The following TECPR2 variants were observed in gnomAD, a reference collection of about 807,000 sequenced individuals.
The protein encoded by TECPR2 is tectonin beta-propeller repeat-containing protein 2.
A neutral mutation model predicts 138.1 loss-of-function variants in TECPR2; 65 were observed. The ratio of observed to expected loss-of-function variants is 0.47; its 90% CI spans 0.39 to 0.58. TECPR2 has a LOEUF of 0.58. TECPR2 is among the 20% of genes least tolerant of loss of function. The pLI is 0.00. For synonymous variants in TECPR2, 746 were observed against 749.8 expected (o/e 0.99, Z 0.08); for missense variants, 1,553 against 1,824.5 (o/e 0.85, Z 2.71).
chr14:102,478,192 C>T (rs1185092068), intron 17 of TECPR2, among the ~76,000 whole-genome samples: 1 of 151,746 alleles, frequency 6.6e-6, no homozygotes, highest in African/African-American at 2.4e-5. Context: ...ACACTACAGG[C>T]ATGCACCACC....
intron 2 of TECPR2, among the ~76,000 whole-genome samples, 158 bp downstream of exon 2, chr14:102,377,098 G>A (rs1313538769): frequency 6.6e-6 from 1 of 152,188 alleles, no homozygotes; most frequent in Admixed American, 6.5e-5. Context: ...AGCTGAAGTG[G>A]AATATAACTA....
rs183682330 is a variant in TECPR2 at position 102,485,798 on chromosome 14, C to A, written c.3790-11181C>A. Reference sequence around the variant, plus strand: ...TGCACTCATCCAGAAGGTGCTTCCCCGAGCCTGTCTGTAGAGTCAGCCACA... The same window carrying A: ...TGCACTCATCCAGAAGGTGCTTCCCAGAGCCTGTCTGTAGAGTCAGCCACA... On this transcript the variant is annotated intron_variant, in intron 17 of 19. Transcript: ENST00000359520. Among the ~76,000 whole-genome samples the A allele has an allele frequency of 3.5e-3, 536 of 152,280 alleles. 5 individuals carry two copies. The highest frequency in any genetic ancestry group is 0.012 in the African/African-American group (503 of 41,562).
intron 17 of TECPR2, among the ~76,000 whole-genome samples, chr14:102,486,959 C>T (rs986274443): frequency 1.3e-5 from 2 of 152,152 alleles, no homozygotes; most frequent in East Asian, 3.8e-4. Flanking sequence ...GTACAGCTAC[C>T]ACGGGGCCAT....
intron 2 of TECPR2, among the ~76,000 whole-genome samples, chr14:102,400,431 T>TG (rs1190071978): frequency 6.6e-6 from 1 of 152,210 alleles, no homozygotes; most frequent in African/African-American, 2.4e-5. Context: ...CTTTATGGTT[T>TG]GGGGCACACA....
At chr14:102,392,223 C>T (rs1219099328) in intron 2 of TECPR2, among the ~76,000 whole-genome samples, 1 of 152,084 alleles carries the variant, frequency 6.6e-6, no homozygotes, top group African/African-American at 2.4e-5. Context: ...AACTCCTGGA[C>T]CTCAGGTGAT....
chr14:102,469,808 G>A (rs1890620750), intron 17 of TECPR2, among the ~76,000 whole-genome samples: 1 of 152,118 alleles, frequency 6.6e-6, no homozygotes, highest in Non-Finnish European at 1.5e-5. Flanking sequence ...TGATGAAAGG[G>A]TGTTGGGTTT....
In TECPR2 at chr14:102,498,822, C is replaced by T. The variant is rs1204502485; in HGVS notation, c.*565C>T. The T allele has an allele frequency of 1.9e-5, 11 of 586,016 alleles. No individual in the cohort carries two copies. The highest frequency in any genetic ancestry group is 2.9e-5 in the Non-Finnish European group (9 of 308,972). 36.3% of individuals were successfully genotyped at this position (586,016 alleles called of 1,614,324 possible). On this transcript the variant is annotated 3_prime_UTR_variant, in exon 20 of 20. Coordinates refer to ENST00000359520, the MANE Select transcript of TECPR2 (RefSeq NM_014844.5). Reference sequence around the variant, plus strand: ...GCTGAGGCCGGGCTTGAGAGGAGAGCGCTGGCCATGCCAGGAGAGAACCCA... The same window carrying T: ...GCTGAGGCCGGGCTTGAGAGGAGAGTGCTGGCCATGCCAGGAGAGAACCCA...
At chr14:102,448,692 C>T (rs1890054590) in intron 13 of TECPR2, among the ~76,000 whole-genome samples, 4 of 151,974 alleles carry the variant, frequency 2.6e-5, no homozygotes, top group African/African-American at 9.7e-5. Flanking sequence ...ATGGTGAAAC[C>T]CCATCTTTAC....
At chr14:102,480,800 G>A (rs543747451) in intron 17 of TECPR2, among the ~76,000 whole-genome samples, 8 of 150,002 alleles carry the variant, frequency 5.3e-5, no homozygotes, top group East Asian at 2.0e-4. Flanking sequence ...GATTGCGGGC[G>A]TGTGCCACTG....
At chr14:102,483,393 TGTG>T (rs1485456956) in intron 17 of TECPR2, among the ~76,000 whole-genome samples, 36 of 144,044 alleles carry the variant, frequency 2.5e-4, no homozygotes, top group Non-Finnish European at 4.6e-4. Flanking sequence ...TATGTTTTTG[TGTG>T]TTGTTGTTGT....
intron 17 of TECPR2, among the ~76,000 whole-genome samples, chr14:102,478,411 T>G (rs1406801135): frequency 6.6e-6 from 1 of 151,944 alleles, no homozygotes; most frequent in African/African-American, 2.4e-5. Flanking sequence ...CCGGGTGTGG[T>G]GGCTCATGCC....
At chr14:102,478,595 G>C (rs1264047983) in intron 17 of TECPR2, among the ~76,000 whole-genome samples, 1 of 151,802 alleles carries the variant, frequency 6.6e-6, no homozygotes, top group Admixed American at 6.6e-5. Flanking sequence ...GCTGCAGTGA[G>C]CTGTGATCAT....
intron 17 of TECPR2, among the ~76,000 whole-genome samples, chr14:102,491,220 A>C (rs896896502): frequency 2.0e-5 from 3 of 151,778 alleles, no homozygotes; most frequent in African/African-American, 7.3e-5. Context: ...TTTTACTTTT[A>C]TTTTGTTTAT....
chr14:102,489,101 C>T (rs1190948190), intron 17 of TECPR2, among the ~76,000 whole-genome samples: 12 of 151,534 alleles, frequency 7.9e-5, no homozygotes, highest in Non-Finnish European at 1.6e-4. Context: ...AGGCTGGTCT[C>T]AAACTCCTAA....
intron 17 of TECPR2, among the ~76,000 whole-genome samples, chr14:102,478,343 C>A (rs943820876): frequency 1.3e-5 from 2 of 152,006 alleles, no homozygotes; most frequent in African/African-American, 4.8e-5. Context: ...GCCACCATGT[C>A]TGGCCTCTGT....
At chr14:102,481,754 T>C (rs186012517) in intron 17 of TECPR2, among the ~76,000 whole-genome samples, 3 of 152,360 alleles carry the variant, frequency 2.0e-5, no homozygotes, top group Non-Finnish European at 4.4e-5. Flanking sequence ...TGTCTCTGAA[T>C]GCTGCTTCGG....
chr14:102,471,745 T>TCCC (rs1890655607), intron 17 of TECPR2, among the ~76,000 whole-genome samples: 1 of 152,088 alleles, frequency 6.6e-6, no homozygotes, highest in Admixed American at 6.6e-5. Context: ...TTGAATCTTC[T>TCCC]CTCATTTTTT....
intron 16 of TECPR2, among the ~76,000 whole-genome samples, chr14:102,459,118 A>T (rs557088666): frequency 6.6e-6 from 1 of 152,050 alleles, no homozygotes; most frequent in South Asian, 2.1e-4. Context: ...TTAATTTGGG[A>T]TGGGGTCTCA....
At chr14:102,463,341 C>G (rs896479396) in intron 16 of TECPR2, among the ~76,000 whole-genome samples, 1 of 140,630 alleles carries the variant, frequency 7.1e-6, no homozygotes. Context: ...GGCGTGAACC[C>G]GGGAGGCGGA....
Sources: allele counts gnomAD v4.1 joint callset (sites outside exome capture counted in the v4.1 genomes callset), GRCh38; gene constraint gnomAD v4.1.1; transcripts MANE v1.5; gene names NCBI Gene and HGNC (gene_info 2026-07-23, HGNC 2026-07-21).